LRRC53: variants seen among roughly 807,000 people sequenced by gnomAD.
LRRC53 encodes leucine rich repeat containing 53.
A neutral mutation model predicts 13.6 loss-of-function variants in LRRC53; 25 were observed. The observed-to-expected ratio is 1.83, with a 90% CI of 1.34 to 2.56. The LOEUF (loss-of-function observed/expected upper bound fraction) is 2.56, where lower values mean the gene tolerates loss of function less well. LRRC53 is among the 30% of genes most tolerant of loss of function. The pLI is 0.00. For synonymous variants in LRRC53, 204 were observed against 109.8 expected (o/e 1.86, Z -5.37); for missense variants, 527 against 275.8 (o/e 1.91, Z -6.45).
chr1:74,522,051 T>A, the LRRC53 span, among the ~76,000 whole-genome samples: 1 of 152,134 alleles, frequency 6.6e-6, no homozygotes, highest in Admixed American at 6.5e-5. Flanking sequence ...TGACAGACAG[T>A]AATTACTATC....
chr1:74,500,509 C>T (rs1196928253), intron 1 of LRRC53, among the ~76,000 whole-genome samples: 1 of 149,732 alleles, frequency 6.7e-6, no homozygotes, highest in Non-Finnish European at 1.5e-5. Context: ...GAGGCTGAGG[C>T]AGGAGAATGG....
Position 74,480,270 on chromosome 1 carries a change from TC to T in LRRC53, c.786del (p.Arg263GlyfsTer18). 1.4e-6 allele frequency: 1 copy of T among 717,528 alleles called. No homozygotes were observed. Among genetic ancestry groups the T allele is most frequent in the South Asian group, 1.5e-5 (1 of 67,608 alleles). The allele number at this position is 717,528 out of a possible 1,614,324, so 44.4% of individuals were successfully genotyped here. On this transcript the variant is annotated frameshift_variant, in exon 3 of 5. Transcript: ENST00000294635. LOFTEE classifies it high-confidence loss of function. ...TAAVAAAQSV[L>X]RLSETNCDSK... ...GAATCACAGTTGGTCTCAGACAGCC[TC>T]AGCACACTCTGTGCAGCTGCCACAG...
intron 1 of LRRC53, chr1:74,492,339 G>T: frequency 7.2e-7 from 1 of 1,382,106 alleles, no homozygotes; most frequent in South Asian, 2.3e-5. Flanking sequence ...CAACTGATTT[G>T]ATTACTATTA....
chr1:74,510,818 A>C (rs1313808514), intron 1 of LRRC53, among the ~76,000 whole-genome samples: 1 of 152,196 alleles, frequency 6.6e-6, no homozygotes, highest in East Asian at 1.9e-4. Flanking sequence ...GTCTGCCCCT[A>C]CCCAGAGAGG....
chr1:74,485,246 A>G (rs1352025421), intron 1 of LRRC53, among the ~76,000 whole-genome samples: 1 of 152,218 alleles, frequency 6.6e-6, no homozygotes, highest in Non-Finnish European at 1.5e-5. Flanking sequence ...CTTGCAGAGT[A>G]CAGTGAATTT....
upstream of LRRC53, among the ~76,000 whole-genome samples, chr1:74,514,270 C>T (rs1044541251): frequency 7.9e-5 from 12 of 152,214 alleles, no homozygotes; most frequent in Admixed American, 4.6e-4. Flanking sequence ...TGTTTTAAAG[C>T]GTTTTCACAC....
At chr1:74,510,381 G>C (rs1275535490) in intron 1 of LRRC53, among the ~76,000 whole-genome samples, 1 of 152,066 alleles carries the variant, frequency 6.6e-6, no homozygotes, top group East Asian at 1.9e-4. Flanking sequence ...GGTGCCTGGC[G>C]CCTGTAGTCC....
chr1:74,511,293 A>G (rs1251840703), intron 1 of LRRC53, among the ~76,000 whole-genome samples: 7 of 152,160 alleles, frequency 4.6e-5, no homozygotes, highest in Admixed American at 4.6e-4. Context: ...CCCGGGTTCA[A>G]GCAATTCTCG....
At position 74,483,354 on chromosome 1, in the gene LRRC53, G is replaced by A; in HGVS notation, c.-5C>T. 1 of 717,256 alleles carries A rather than the reference G, an allele frequency of 1.4e-6. No individual in the cohort carries two copies. The allele number at this position is 717,256 out of a possible 1,614,324, so 44.4% of individuals were successfully genotyped here. A position where few individuals can be genotyped will look rare whatever the true frequency, so the allele number is the denominator to read the frequency against. On this transcript the variant is annotated 5_prime_UTR_variant, in exon 2 of 5. Transcript: ENST00000294635. ...AGCTGCCACCAACCGCAACATGATGGCAAAGAGTACCAGCCATCCACCTGA... is the reference window on the plus strand; with the variant it reads ...AGCTGCCACCAACCGCAACATGATGACAAAGAGTACCAGCCATCCACCTGA...
the LRRC53 span, among the ~76,000 whole-genome samples, chr1:74,528,139 A>G: frequency 6.6e-6 from 1 of 152,212 alleles, no homozygotes; most frequent in Non-Finnish European, 1.5e-5. Flanking sequence ...GGTAAGCAGG[A>G]CATCCTACAG....
At chr1:74,534,329 G>T in the LRRC53 span, among the ~76,000 whole-genome samples, 8 of 152,252 alleles carry the variant, frequency 5.3e-5, no homozygotes, top group South Asian at 1.7e-3. Flanking sequence ...TTAAAAAAAT[G>T]ATTCCTTTTG....
At position 74,469,836 on chromosome 1, in the gene LRRC53, C is replaced by G. The variant is rs928665190; in HGVS notation, c.*42G>C. 1 of 400,166 alleles carries G rather than the reference C, an allele frequency of 2.5e-6. No homozygotes were observed. Among genetic ancestry groups the G allele is most frequent in the Non-Finnish European group, 4.4e-6 (1 of 225,806 alleles). 24.8% of individuals were successfully genotyped at this position (400,166 alleles called of 1,614,324 possible). ...TGGGTGTTTGTCCTCTTGAAGAAAG[C>G]TAAAGTAGAAAAGGATTATTATTTG... On this transcript the variant is annotated 3_prime_UTR_variant, in exon 5 of 5. Transcript: ENST00000294635.
At chr1:74,534,148 T>C in the LRRC53 span, among the ~76,000 whole-genome samples, 1 of 152,156 alleles carries the variant, frequency 6.6e-6, no homozygotes, top group Non-Finnish European at 1.5e-5. Flanking sequence ...ATTATTATTA[T>C]TATATCATAG....
intron 1 of LRRC53, among the ~76,000 whole-genome samples, chr1:74,491,082 A>G (rs1199356113): frequency 6.6e-6 from 1 of 152,200 alleles, no homozygotes; most frequent in African/African-American, 2.4e-5. Flanking sequence ...AGGAATAATT[A>G]AAACTGGGAT....
Position 74,471,368 on chromosome 1 carries a change from A to C in LRRC53, c.2254T>G (p.Leu752Val), listed in dbSNP as rs1667924514. 1 of 400,514 alleles carries C rather than the reference A, an allele frequency of 2.5e-6. No individual in the cohort carries two copies. The highest frequency in any genetic ancestry group is 4.4e-5 in the Admixed American group (1 of 22,702). The allele number at this position is 400,514 out of a possible 1,614,324, so 24.8% of individuals were successfully genotyped here. A position where few individuals can be genotyped will look rare whatever the true frequency, so the allele number is the denominator to read the frequency against. The change falls in exon 5 of 5, where the codon TTA (leucine) becomes GTA (valine). Residue 752 changes from leucine to valine, a missense_variant. Coordinates refer to ENST00000294635, the MANE Select transcript of LRRC53 (RefSeq NM_001382280.1). ...GCTTCTGTCTCAGAAGTTTTGGATA[A>C]TTTCTTAGGAGGCAACAATACCTGC... ...CKQVLLPPKKLSKTSETEAKI... is the reference protein window; with the variant it reads ...CKQVLLPPKKVSKTSETEAKI...
At chr1:74,525,283 G>C in the LRRC53 span, among the ~76,000 whole-genome samples, 7 of 152,304 alleles carry the variant, frequency 4.6e-5, no homozygotes, top group Non-Finnish European at 8.8e-5. Context: ...AGCGCTTTGC[G>C]TGTATACCAT....
chr1:74,529,141 T>C, the LRRC53 span, among the ~76,000 whole-genome samples: 1 of 152,214 alleles, frequency 6.6e-6, no homozygotes, highest in East Asian at 1.9e-4. Context: ...ATTTATATAG[T>C]CTCAAAATAC....
intron 1 of LRRC53, among the ~76,000 whole-genome samples, chr1:74,483,998 T>G (rs1340548769): frequency 1.3e-5 from 2 of 152,172 alleles, no homozygotes; most frequent in Non-Finnish European, 2.9e-5. Flanking sequence ...AAAATATTTC[T>G]TTTTATTTTT....
intron 1 of LRRC53, among the ~76,000 whole-genome samples, chr1:74,508,606 G>T (rs372997185): frequency 1.3e-5 from 2 of 152,158 alleles, no homozygotes; most frequent in Non-Finnish European, 2.9e-5. Context: ...GATAAGTAGC[G>T]AATCAGTCTG....
Sources: gnomAD v4.1 joint callset for allele counts (sites outside exome capture counted in the v4.1 genomes callset) on GRCh38, gnomAD v4.1.1 for gene constraint, MANE v1.5 for transcripts, NCBI Gene and HGNC (gene_info 2026-07-23, HGNC 2026-07-21) for gene names.